The following PARP8 variants were observed in gnomAD, a reference collection of about 807,000 sequenced individuals.
PARP8 encodes the protein protein mono-ADP-ribosyltransferase PARP8.
A neutral mutation model predicts 124.1 loss-of-function variants in PARP8; 51 were observed. The observed-to-expected ratio is 0.41, with a 90% CI of 0.33 to 0.52. The LOEUF (loss-of-function observed/expected upper bound fraction) is 0.52, where lower values mean the gene tolerates loss of function less well. PARP8 is among the 20% of genes least tolerant of loss of function. PARP8 has a pLI of 0.21. For synonymous variants in PARP8, 391 were observed against 361.5 expected (o/e 1.08, Z -0.93); for missense variants, 860 against 1,018.9 (o/e 0.84, Z 2.12).
rs1421282430 is a variant in PARP8, at chr5:50,666,763, CGGCCGTTGGTCCGG to C, written c.-331_-318del. On this transcript the variant is annotated 5_prime_UTR_variant, in exon 1 of 26. Coordinates refer to ENST00000281631, the MANE Select transcript of PARP8 (RefSeq NM_024615.4). ...GCTGTCCCCGGCACCTCGGCCCCCA[CGGCCGTTGGTCCGG>C]GCGGGTGAGGGAGAAAGTGAGACTT... 1 of 758,832 alleles carries C rather than the reference CGGCCGTTGGTCCGG, an allele frequency of 1.3e-6. No individual in the cohort carries two copies. The highest frequency in any genetic ancestry group is 8.7e-5 in the East Asian group (1 of 11,484). The allele number at this position is 758,832 out of a possible 1,614,324, so 47.0% of individuals were successfully genotyped here. A position where few individuals can be genotyped will look rare whatever the true frequency, so the allele number is the denominator to read the frequency against.
At chr5:50,667,863 T>C in intron 1 of PARP8, 1 of 1,426,988 alleles carries the variant, frequency 7.0e-7, no homozygotes, top group Non-Finnish European at 9.4e-7. Context: ...ACCCGGCACT[T>C]GTTGCGGGGG....
intron 17 of PARP8, 128 bp downstream of exon 17, chr5:50,822,528 A>G: frequency 7.5e-6 from 5 of 668,686 alleles, no homozygotes; most frequent in Non-Finnish European, 1.3e-5. Flanking sequence ...AGATGTTTTA[A>G]TTAAATCACA....
chr5:50,837,218 A>G (rs950741322), intron 25 of PARP8, among the ~76,000 whole-genome samples: 1 of 152,180 alleles, frequency 6.6e-6, no homozygotes, highest in African/African-American at 2.4e-5. Context: ...GATAATTGTC[A>G]TTGCTTTATG....
intron 2 of PARP8, among the ~76,000 whole-genome samples, chr5:50,682,252 C>CA: frequency 6.6e-6 from 1 of 152,074 alleles, no homozygotes; most frequent in Non-Finnish European, 1.5e-5. Flanking sequence ...TAGATCTGAG[C>CA]AAAAAGCGTG....
chr5:50,770,402 G>A (rs913585349), intron 7 of PARP8, among the ~76,000 whole-genome samples: 1 of 151,918 alleles, frequency 6.6e-6, no homozygotes, highest in African/African-American at 2.4e-5. Context: ...CATGCCTCAC[G>A]ATTTTATTTA....
intron 2 of PARP8, among the ~76,000 whole-genome samples, chr5:50,695,022 T>A (rs1379832624): frequency 3.3e-5 from 5 of 152,164 alleles, no homozygotes; most frequent in African/African-American, 1.2e-4. Context: ...GGTAGTTGAT[T>A]AGATGGTACC....
chr5:50,821,154 A>G (rs1745719131), intron 15 of PARP8, 59 bp from the exon 16 acceptor site: 3 of 1,595,458 alleles, frequency 1.9e-6, no homozygotes, highest in Admixed American at 3.3e-5. Flanking sequence ...GGGAGAAACA[A>G]TGGCAAAGCA....
intron 2 of PARP8, among the ~76,000 whole-genome samples, chr5:50,718,662 A>G (rs531733243): frequency 7.3e-4 from 111 of 151,906 alleles, no homozygotes; most frequent in African/African-American, 2.6e-3. Context: ...CTTCTATTTT[A>G]TGGCTGAATA....
intron 2 of PARP8, among the ~76,000 whole-genome samples, chr5:50,734,193 T>C (rs895915044): frequency 6.6e-6 from 1 of 151,998 alleles, no homozygotes; most frequent in African/African-American, 2.4e-5. Flanking sequence ...TGGATGTTTA[T>C]CTTCTTGTCA....
In PARP8 at chr5:50,833,975, T is replaced by C. The variant is rs1468017106; in HGVS notation, c.2308-4T>C. 1 of 1,611,114 alleles carries C rather than the reference T, an allele frequency of 6.2e-7. No homozygotes were observed. Among genetic ancestry groups the C allele is most frequent in the Non-Finnish European group, 8.5e-7 (1 of 1,177,832 alleles). ...TCTAAGTTTTAATTGTTTTTGGAAT[T>C]TAGTCACAGAAAAAAGGACAGCAAT... On this transcript the variant is annotated splice_region_variant and splice_polypyrimidine_tract_variant and intron_variant, in intron 23 of 25. Transcript: ENST00000281631.
chr5:50,782,977 A>C (rs1191812282), intron 9 of PARP8, among the ~76,000 whole-genome samples: 1 of 152,158 alleles, frequency 6.6e-6, no homozygotes, highest in African/African-American at 2.4e-5. Context: ...GATGGTATGC[A>C]GCAGAATCCA....
At chr5:50,746,424 T>A (rs777545984) in intron 2 of PARP8, among the ~76,000 whole-genome samples, 1 of 152,214 alleles carries the variant, frequency 6.6e-6, no homozygotes, top group African/African-American at 2.4e-5. Context: ...TGCACTAATG[T>A]CAGTTTCCAG....
intron 2 of PARP8, among the ~76,000 whole-genome samples, chr5:50,713,529 T>A (rs549587218): frequency 6.6e-6 from 1 of 152,156 alleles, no homozygotes; most frequent in Non-Finnish European, 1.5e-5. Flanking sequence ...GCGTGAACCA[T>A]CACACCCAGC....
At position 50,795,308 on chromosome 5, in the gene PARP8, C is replaced by T; in HGVS notation, c.1319C>T (p.Ser440Phe). Residue 440 changes from serine (S) to phenylalanine (F), a missense_variant, in exon 12 of 26, where the codon TCC becomes TTC. Physicochemically the swap from Ser to Phe is radical, Grantham distance 155 (BLOSUM62 -2). Coordinates refer to ENST00000281631, the MANE Select transcript of PARP8 (RefSeq NM_024615.4). ...TCCTACTCCAGTGCCCCCAAGTCATCCAAAACTGAGCTTTTCAAGGAACCT... is the reference window on the plus strand; with the variant it reads ...TCCTACTCCAGTGCCCCCAAGTCATTCAAAACTGAGCTTTTCAAGGAACCT... The part of the protein sequence containing the change: ...SKSYSSAPKS[S>F]KTELFKEPNA... 2.5e-6 allele frequency: 4 copies of T among 1,614,100 alleles called. No individual in the cohort carries two copies. Among genetic ancestry groups the T allele is most frequent in the Non-Finnish European group, 3.4e-6 (4 of 1,179,994 alleles).
rs769667488 is a variant in PARP8, at chr5:50,761,813, A to G, written c.346-8A>G. On this transcript the variant is annotated splice_polypyrimidine_tract_variant and splice_region_variant and intron_variant, in intron 5 of 25. Coordinates refer to ENST00000281631, the MANE Select transcript of PARP8 (RefSeq NM_024615.4). Reference sequence around the variant, plus strand: ...CATTAAATTGTTTTCTTACTTTATTATTTTAAGGAATCAAGACAGAATAGT... The same window carrying G: ...CATTAAATTGTTTTCTTACTTTATTGTTTTAAGGAATCAAGACAGAATAGT... 25 of 1,537,846 alleles carry G rather than the reference A, an allele frequency of 1.6e-5. No individual in the cohort carries two copies. The highest frequency in any genetic ancestry group is 1.9e-5 in the Non-Finnish European group (21 of 1,131,804).
chr5:50,667,942 C>A, intron 1 of PARP8, 129 bp from the exon 2 acceptor site: 3 of 1,564,744 alleles, frequency 1.9e-6, no homozygotes, highest in Non-Finnish European at 2.6e-6. Context: ...GGGACCTCGC[C>A]GCCCTCTAGC....
intron 2 of PARP8, among the ~76,000 whole-genome samples, chr5:50,700,076 A>G (rs949275690): frequency 1.3e-5 from 2 of 152,192 alleles, no homozygotes; most frequent in Non-Finnish European, 2.9e-5. Context: ...GGTGAGAAAC[A>G]TTAGTCTTTG....
intron 15 of PARP8, 63 bp downstream of exon 15, chr5:50,815,587 G>A: frequency 1.7e-6 from 2 of 1,166,982 alleles, no homozygotes; most frequent in Non-Finnish European, 2.4e-6. Flanking sequence ...CAGTCCACTA[G>A]TTATCTTCAT....
chr5:50,844,158 A>G lies in PARP8; in HGVS notation c.*2090A>G, dbSNP rs1393674381. On this transcript the variant is annotated 3_prime_UTR_variant, in exon 26 of 26. Transcript: ENST00000281631. Reference sequence around the variant, plus strand: ...ACAAACTGTTCCTGTTGACTTAAGAATAACAGTAGGTTCACCTATCTGAGG... The same window carrying G: ...ACAAACTGTTCCTGTTGACTTAAGAGTAACAGTAGGTTCACCTATCTGAGG... 1 of 151,876 alleles carries G rather than the reference A, an allele frequency of 6.6e-6. No individual in the cohort carries two copies. The highest frequency in any genetic ancestry group is 1.5e-5 in the Non-Finnish European group (1 of 67,864). The allele number at this position is 151,876 out of a possible 1,614,324, so 9.4% of individuals were successfully genotyped here.
Sources: gnomAD v4.1 joint callset for allele counts (sites outside exome capture counted in the v4.1 genomes callset) on GRCh38, gnomAD v4.1.1 for gene constraint, MANE v1.5 for transcripts, NCBI Gene and HGNC (gene_info 2026-07-23, HGNC 2026-07-21) for gene names.